The following PLPPR4 variants were observed in gnomAD, a reference collection of about 807,000 sequenced individuals.
PLPPR4 encodes phospholipid phosphatase related 4, also known as phospholipid phosphatase-related protein type 4.
A neutral mutation model predicts 56.6 loss-of-function variants in PLPPR4; 24 were observed. The observed-to-expected ratio is 0.42, with a 90% CI of 0.31 to 0.60. PLPPR4 has a LOEUF of 0.60. Among genes scored for constraint, PLPPR4 ranks in the 20% least tolerant of loss-of-function variants. The pLI is 0.13. For missense variants in PLPPR4, 654 were observed against 885.8 expected (o/e 0.74, Z 3.32); for synonymous variants, 326 against 328.1 (o/e 0.99, Z 0.07).
chr1:99,283,823 G>A (rs923026633), intron 1 of PLPPR4, among the ~76,000 whole-genome samples: 5 of 152,098 alleles, frequency 3.3e-5, no homozygotes, highest in African/African-American at 7.2e-5. Flanking sequence ...GTGGTGGCAC[G>A]CTCCTGTAGT....
Position 99,305,752 on chromosome 1 carries a change from G to C in PLPPR4, c.890G>C (p.Arg297Thr), listed in dbSNP as rs138327459. The C allele has an allele frequency of 2.6e-3, 4,239 of 1,613,904 alleles. 10 individuals carry two copies. The highest frequency in any genetic ancestry group is 3.0e-3 in the Non-Finnish European group (3,570 of 1,179,878). ...ESMFQHRDALRSLTDLNQDPN... is the reference protein window; with the variant it reads ...ESMFQHRDALTSLTDLNQDPN... ...ATGTTTCAGCACAGAGACGCCCTCA[G>C]GTCTCTGACAGACCTCAATCAAGAT... The change falls in exon 7 of 7, where the codon AGG (arginine) becomes ACG (threonine). Residue 297 changes from arginine to threonine, a missense_variant. Physicochemically the swap from Arg to Thr is moderately conservative, Grantham distance 71 (BLOSUM62 -1). This residue lies in a region of PLPPR4 where 468 missense variants were observed against 554.3 expected (regional missense o/e 0.84). Coordinates refer to ENST00000370185, the MANE Select transcript of PLPPR4 (RefSeq NM_014839.5).
chr1:99,302,364 A>G (rs976986774), intron 6 of PLPPR4, among the ~76,000 whole-genome samples: 1 of 152,100 alleles, frequency 6.6e-6, no homozygotes. Context: ...TAAGGGAAAT[A>G]TCCTCAGCAT....
At chr1:99,291,768 T>C in intron 2 of PLPPR4, among the ~76,000 whole-genome samples, 1 of 152,118 alleles carries the variant, frequency 6.6e-6, no homozygotes, top group Non-Finnish European at 1.5e-5. Flanking sequence ...TACTGGGGCC[T>C]ACCTGAGGGT....
At chr1:99,264,392 C>G, upstream of PLPPR4, 1 of 1,379,970 alleles carries the variant, frequency 7.2e-7, no homozygotes, top group African/African-American at 1.5e-5. Context: ...AGGACTGGCC[C>G]GCTCAGGGAA....
intron 1 of PLPPR4, among the ~76,000 whole-genome samples, chr1:99,273,449 C>T (rs1659107886): frequency 6.6e-6 from 1 of 152,082 alleles, no homozygotes; most frequent in South Asian, 2.1e-4. Flanking sequence ...ATATCGTTAA[C>T]AATTTAATGC....
rs1557782832 is a variant in PLPPR4, at chr1:99,301,753, C to T, written c.678C>T (p.Ser226=). ...SMYFNSTLTD[S]SKLLKPLLVF... The stretch of plus-strand genomic sequence containing the variant: ...ACTTCAATTCCACATTAACGGATTC[C>T]TCTAAGCTTCTGAAACCTCTCTTGG... Residue 226 remains serine, a synonymous_variant, in exon 6 of 7, where the codon TCC becomes TCT. Coordinates refer to ENST00000370185, the MANE Select transcript of PLPPR4 (RefSeq NM_014839.5). 2 of 1,611,188 alleles carry T rather than the reference C, an allele frequency of 1.2e-6. No homozygotes were observed. The highest frequency in any genetic ancestry group is 1.7e-6 in the Non-Finnish European group (2 of 1,178,168).
chr1:99,302,534 T>C (rs1222492384), intron 6 of PLPPR4, among the ~76,000 whole-genome samples: 2 of 147,806 alleles, frequency 1.4e-5, no homozygotes, highest in Non-Finnish European at 3.0e-5. Context: ...ATTATTATAC[T>C]TTAAGTTTTA....
At chr1:99,286,432 T>C (rs1659463881) in intron 1 of PLPPR4, among the ~76,000 whole-genome samples, 1 of 152,138 alleles carries the variant, frequency 6.6e-6, no homozygotes, top group Non-Finnish European at 1.5e-5. Context: ...TCTCACTTCA[T>C]AGAGCACTTA....
At chr1:99,275,497 A>T (rs1659162978) in intron 1 of PLPPR4, among the ~76,000 whole-genome samples, 1 of 152,186 alleles carries the variant, frequency 6.6e-6, no homozygotes, top group South Asian at 2.1e-4. Flanking sequence ...GAGAGCAGAC[A>T]GTCTCTCAAT....
At position 99,306,302 on chromosome 1, in the gene PLPPR4, T is replaced by C. The variant is rs370283145; in HGVS notation, c.1440T>C (p.Pro480=). The change falls in exon 7 of 7, where the codon CCT becomes CCC. Residue 480 remains proline (P), a synonymous_variant. Transcript: ENST00000370185. This position sits in a 1 kb window ranked among gnomAD's most constrained non-coding sequence, Gnocchi z 4.0. The part of the protein sequence containing the change: ...GGPRVSIQSR[P]GSSQLVHIPE... ...CAAGAGTGTCCATTCAGTCCCGTCC[T>C]GGGTCCTCACAGTTGGTGCACATCC... 12 of 1,614,190 alleles carry C rather than the reference T, an allele frequency of 7.4e-6. No homozygotes were observed. In the African/African-American group the frequency reaches 1.3e-4, roughly 18 times the overall value.
At chr1:99,268,287 G>A (rs948246856) in intron 1 of PLPPR4, among the ~76,000 whole-genome samples, 17 of 152,226 alleles carry the variant, frequency 1.1e-4, no homozygotes, top group African/African-American at 4.1e-4. Context: ...ACAAAGAGTT[G>A]GAGGACAGTG....
chr1:99,284,163 G>C (rs1053412762), intron 1 of PLPPR4, among the ~76,000 whole-genome samples: 1 of 152,010 alleles, frequency 6.6e-6, no homozygotes. Flanking sequence ...GCCGAAACCG[G>C]CACATACCGT....
At chr1:99,300,256 A>G (rs1225591233) in intron 4 of PLPPR4, among the ~76,000 whole-genome samples, 1 of 151,966 alleles carries the variant, frequency 6.6e-6, no homozygotes, top group African/African-American at 2.4e-5. Flanking sequence ...ACAAATCTCT[A>G]TTCTTCTTTT....
chr1:99,302,262 C>T (rs1659898543), intron 6 of PLPPR4, among the ~76,000 whole-genome samples: 1 of 151,900 alleles, frequency 6.6e-6, no homozygotes, highest in African/African-American at 2.4e-5. Context: ...TATAACTTGC[C>T]CCACACCACA....
At chr1:99,266,164 C>A (rs1658891893) in intron 1 of PLPPR4, among the ~76,000 whole-genome samples, 1 of 152,172 alleles carries the variant, frequency 6.6e-6, no homozygotes, top group Admixed American at 6.5e-5. Context: ...AGATACCTGC[C>A]TTCAAGTTCA....
At chr1:99,266,916 C>T (rs1313012584) in intron 1 of PLPPR4, among the ~76,000 whole-genome samples, 1 of 152,168 alleles carries the variant, frequency 6.6e-6, no homozygotes. Flanking sequence ...ACATCTCCTT[C>T]GTAGGATGAA....
At chr1:99,294,039 T>C (rs1659683691) in intron 2 of PLPPR4, among the ~76,000 whole-genome samples, 1 of 151,400 alleles carries the variant, frequency 6.6e-6, no homozygotes, top group Non-Finnish European at 1.5e-5. Flanking sequence ...CAGCAACAAA[T>C]AATTTTCTTA....
intron 5 of PLPPR4, among the ~76,000 whole-genome samples, 196 bp downstream of exon 5, chr1:99,301,162 T>G (rs1348776764): frequency 6.6e-6 from 1 of 152,040 alleles, no homozygotes; most frequent in Non-Finnish European, 1.5e-5. Flanking sequence ...TAAAAGAATT[T>G]TTCTACACAG....
intron 1 of PLPPR4, among the ~76,000 whole-genome samples, chr1:99,283,958 C>CA (rs1052661115): frequency 4.1e-4 from 62 of 151,844 alleles, no homozygotes; most frequent in Non-Finnish European, 6.0e-4. Flanking sequence ...TCTCAGAAAA[C>CA]AAAAAAACAA....
Sources: allele counts gnomAD v4.1 joint callset (sites outside exome capture counted in the v4.1 genomes callset), GRCh38; gene constraint gnomAD v4.1.1; regional missense constraint gnomAD v4.1.1; non-coding constraint Gnocchi (gnomAD v3.1); transcripts MANE v1.5; gene names NCBI Gene and HGNC (gene_info 2026-07-23, HGNC 2026-07-21).